The following SLC25A35 variants were observed in gnomAD, a reference collection of about 807,000 sequenced individuals.
SLC25A35 encodes solute carrier family 25 member 35.
In SLC25A35, 32 loss-of-function variants were observed where a neutral mutation model predicts 30.5. That is an observed-to-expected ratio of 1.05 (90% CI 0.79 to 1.41). SLC25A35 has a LOEUF of 1.41. SLC25A35 is among the 40% of genes most tolerant of loss of function. The probability of loss-of-function intolerance (pLI) is 0.00; values close to 1 mark genes in which losing one functional copy is unlikely to be tolerated. For synonymous variants in SLC25A35, 142 were observed against 158.1 expected (o/e 0.90, Z 0.77); for missense variants, 369 against 388.0 (o/e 0.95, Z 0.41).
At chr17:8,289,051 T>A (rs1235670894), downstream of SLC25A35, 1 of 1,613,766 alleles carries the variant, frequency 6.2e-7, no homozygotes, top group Non-Finnish European at 8.5e-7. Flanking sequence ...CAGGCCCACG[T>A]ACGGGGCGAA....
intron 1 of SLC25A35, among the ~76,000 whole-genome samples, chr17:8,292,873 T>C (rs1245503075): frequency 2.6e-5 from 4 of 152,074 alleles, no homozygotes; most frequent in Non-Finnish European, 5.9e-5. Flanking sequence ...AGAATGGCAA[T>C]ATTTCCTAAG....
chr17:8,290,483 G>T lies in SLC25A35; in HGVS notation c.*22C>A. On this transcript the variant is annotated 3_prime_UTR_variant, in exon 5 of 5. Coordinates refer to ENST00000577745, the MANE Select transcript of SLC25A35 (RefSeq NM_001320870.2). ...CAAGTGGCCAAGGAGTGCTCATTTG[G>T]TGGAGACTGGGAAAGCGGCTGTTAT... The T allele has an allele frequency of 6.5e-7, 1 of 1,534,442 alleles. No homozygotes were observed. The highest frequency in any genetic ancestry group is 8.7e-7 in the Non-Finnish European group (1 of 1,145,956).
chr17:8,290,409 G>T lies in SLC25A35; in HGVS notation c.*96C>A. On this transcript the variant is annotated 3_prime_UTR_variant, in exon 5 of 5. Transcript: ENST00000577745. Reference sequence around the variant, plus strand: ...TGGGGTTGGCTGTCCCCCATGGATGGATGAAAGGTCACCTAATCAGTAGTC... The same window carrying T: ...TGGGGTTGGCTGTCCCCCATGGATGTATGAAAGGTCACCTAATCAGTAGTC... The T allele has an allele frequency of 6.7e-7, 1 of 1,483,548 alleles. No homozygotes were observed. Among genetic ancestry groups the T allele is most frequent in the Non-Finnish European group, 8.9e-7 (1 of 1,118,956 alleles). 91.9% of individuals were successfully genotyped at this position (1,483,548 alleles called of 1,614,324 possible). A position where few individuals can be genotyped will look rare whatever the true frequency, so the allele number is the denominator to read the frequency against.
Position 8,295,274 on chromosome 17 carries a change from C to T in SLC25A35, c.-467G>A, listed in dbSNP as rs943605267. 2.8e-5 allele frequency: 28 copies of T among 988,000 alleles called. No individual in the cohort carries two copies. The highest frequency in any genetic ancestry group is 3.1e-5 in the Non-Finnish European group (26 of 831,728). 61.2% of individuals were successfully genotyped at this position (988,000 alleles called of 1,614,324 possible). On this transcript the variant is annotated 5_prime_UTR_variant, in exon 1 of 5. Transcript: ENST00000577745. ...CTCGAGCCAGCAACGAGATCTCGAT[C>T]CGAGAAAGAAGTCAGGACTCTGGCC...
chr17:8,291,483 G>C lies in SLC25A35; in HGVS notation c.444C>G (p.Gly148=). The C allele has an allele frequency of 6.2e-7, 1 of 1,611,870 alleles. No individual in the cohort carries two copies. The highest frequency in any genetic ancestry group is 1.3e-5 in the African/African-American group (1 of 75,004). ...IAVGHQYKHQ[G]MFQALTEIGQ... is the part of the protein sequence containing the mutation. ...CAATCTCGGTTAGCGCCTGAAACATGCCCTAGTGTGGGGAAGACCGGGGGT... is the reference window on the plus strand; with the variant it reads ...CAATCTCGGTTAGCGCCTGAAACATCCCCTAGTGTGGGGAAGACCGGGGGT... Residue 148 remains glycine, a splice_region_variant and synonymous_variant, in exon 3 of 5, where the codon GGC becomes GGG. Transcript: ENST00000577745.
At position 8,294,963 on chromosome 17, in the gene SLC25A35, G is replaced by A. The variant is rs1990765861; in HGVS notation, c.-156C>T. ...GCAGTCAAGGGTGTCAGGGTCAAAT[G>A]TCAAGTGGTCAAACGTCAGCTGGAA... On this transcript the variant is annotated 5_prime_UTR_variant, in exon 1 of 5. Coordinates refer to ENST00000577745, the MANE Select transcript of SLC25A35 (RefSeq NM_001320870.2). 1 of 1,420,260 alleles carries A rather than the reference G, an allele frequency of 7.0e-7. No homozygotes were observed. Among genetic ancestry groups the A allele is most frequent in the Non-Finnish European group, 9.2e-7 (1 of 1,092,292 alleles). The allele number at this position is 1,420,260 out of a possible 1,614,324, so 88.0% of individuals were successfully genotyped here.
downstream of SLC25A35, chr17:8,289,178 G>A (rs1990279285): frequency 2.5e-6 from 4 of 1,602,728 alleles, no homozygotes; most frequent in South Asian, 3.3e-5. Context: ...GCACGGGCCG[G>A]GAGCCAGGCC....
intron 3 of SLC25A35, 149 bp downstream of exon 3, chr17:8,291,183 CT>C: frequency 7.6e-7 from 1 of 1,318,450 alleles, no homozygotes; most frequent in Non-Finnish European, 1.0e-6. Context: ...GACAAGAGAA[CT>C]GTGGGAAGGG....
chr17:8,294,016 T>C (rs531468067), intron 1 of SLC25A35, among the ~76,000 whole-genome samples: 21 of 140,294 alleles, frequency 1.5e-4, no homozygotes, highest in Admixed American at 4.3e-4. Flanking sequence ...CCCGGGTTCA[T>C]GCCATTCTCC....
rs1329346864 is a variant in SLC25A35 at position 8,290,190 on chromosome 17, T to C, written c.*315A>G. On this transcript the variant is annotated 3_prime_UTR_variant, in exon 5 of 5. Coordinates refer to ENST00000577745, the MANE Select transcript of SLC25A35 (RefSeq NM_001320870.2). ...GGTTTTGGAGGGAGGAGTTTAAAAC[T>C]GTGCATGGGAGCAGGAGGGACTCAA... is the stretch of plus-strand genomic sequence containing the variant. 2 of 1,429,554 alleles carry C rather than the reference T, an allele frequency of 1.4e-6. No individual in the cohort carries two copies. Among genetic ancestry groups the C allele is most frequent in the Non-Finnish European group, 1.8e-6 (2 of 1,097,278 alleles). The allele number at this position is 1,429,554 out of a possible 1,614,324, so 88.6% of individuals were successfully genotyped here. A position where few individuals can be genotyped will look rare whatever the true frequency, so the allele number is the denominator to read the frequency against.
chr17:8,294,137 C>G (rs532387752), intron 1 of SLC25A35, among the ~76,000 whole-genome samples: 41 of 151,738 alleles, frequency 2.7e-4, no homozygotes, highest in Non-Finnish European at 4.4e-4. Flanking sequence ...GGATGGTCTC[C>G]ATCTCCTGAC....
chr17:8,289,357 C>A (rs1990296699), downstream of SLC25A35: 1 of 1,614,040 alleles, frequency 6.2e-7, no homozygotes, highest in African/African-American at 1.3e-5. Flanking sequence ...TGAGGGGCCG[C>A]TGTCAAGAAG....
At chr17:8,292,459 G>T in intron 2 of SLC25A35, 64 bp downstream of exon 2, 2 of 1,516,744 alleles carry the variant, frequency 1.3e-6, no homozygotes, top group Non-Finnish European at 1.8e-6. Context: ...GTTGGGTGCA[G>T]GCAGAAAGCT....
chr17:8,290,453 A>G lies in SLC25A35; in HGVS notation c.*52T>C. On this transcript the variant is annotated 3_prime_UTR_variant, in exon 5 of 5. Coordinates refer to ENST00000577745, the MANE Select transcript of SLC25A35 (RefSeq NM_001320870.2). ...AGTAGTCACCAGGACATAGTGGTGG[A>G]GGCACAAGTGGCCAAGGAGTGCTCA... 1 of 1,524,140 alleles carries G rather than the reference A, an allele frequency of 6.6e-7. No homozygotes were observed. Among genetic ancestry groups the G allele is most frequent in the African/African-American group, 1.4e-5 (1 of 73,004 alleles). 94.4% of individuals were successfully genotyped at this position (1,524,140 alleles called of 1,614,324 possible). A position where few individuals can be genotyped will look rare whatever the true frequency, so the allele number is the denominator to read the frequency against.
chr17:8,292,467 G>C (rs1990578303), intron 2 of SLC25A35, 56 bp downstream of exon 2: 5 of 1,550,682 alleles, frequency 3.2e-6, no homozygotes, highest in South Asian at 1.1e-5. Context: ...CAGGCAGAAA[G>C]CTAGGGGAAA....
downstream of SLC25A35, chr17:8,289,440 C>G: frequency 6.2e-7 from 1 of 1,614,010 alleles, no homozygotes; most frequent in Admixed American, 1.7e-5. Flanking sequence ...TGTGTAATGT[C>G]CTGGAAGGGC....
chr17:8,292,563 G>A lies in SLC25A35; in HGVS notation c.401C>T (p.Ala134Val), dbSNP rs1329480108. Residue 134 changes from alanine to valine, a missense_variant, in exon 2 of 5, where the codon GCA becomes GTA. Ala to Val is a moderately conservative substitution (Grantham distance 64). Coordinates refer to ENST00000577745, the MANE Select transcript of SLC25A35 (RefSeq NM_001320870.2). ...GTGCCCTACAGCAATTTCTGAGGCTGCCTGTGCCTGCAGGTGTGTCTTCAC... is the reference window on the plus strand; with the variant it reads ...GTGCCCTACAGCAATTTCTGAGGCTACCTGTGCCTGCAGGTGTGTCTTCAC... ...YMVKTHLQAQAASEIAVGHQY... is the reference protein window; with the variant it reads ...YMVKTHLQAQVASEIAVGHQY... The A allele has an allele frequency of 1.9e-6, 3 of 1,613,994 alleles. No individual in the cohort carries two copies. The highest frequency in any genetic ancestry group is 2.5e-6 in the Non-Finnish European group (3 of 1,180,002).
downstream of SLC25A35, chr17:8,289,963 C>T: frequency 6.2e-7 from 1 of 1,613,844 alleles, no homozygotes; most frequent in Non-Finnish European, 8.5e-7. Flanking sequence ...CATGATGTTG[C>T]TGAGAACTTG....
In SLC25A35 at chr17:8,292,537, G is replaced by C. The variant is rs149674244; in HGVS notation, c.427C>G (p.Gln143Glu). The change falls in exon 2 of 5, where the codon CAG becomes GAG. Residue 143 changes from glutamine (Q) to glutamate (E), a missense_variant. Gln to Glu is a conservative substitution (Grantham distance 29, BLOSUM62 2). Coordinates refer to ENST00000577745, the MANE Select transcript of SLC25A35 (RefSeq NM_001320870.2). ...QAASEIAVGH[Q>E]YKHQGMFQAL... Reference sequence around the variant, plus strand: ...GGAACCCTCACCTGATGCTTATACTGGTGCCCTACAGCAATTTCTGAGGCT... The same window carrying C: ...GGAACCCTCACCTGATGCTTATACTCGTGCCCTACAGCAATTTCTGAGGCT... 1 of 1,614,038 alleles carries C rather than the reference G, an allele frequency of 6.2e-7. No homozygotes were observed. The highest frequency in any genetic ancestry group is 1.3e-5 in the African/African-American group (1 of 74,990).
Sources: gnomAD v4.1 joint callset for allele counts (sites outside exome capture counted in the v4.1 genomes callset) on GRCh38, gnomAD v4.1.1 for gene constraint, MANE v1.5 for transcripts, NCBI Gene and HGNC (gene_info 2026-07-23, HGNC 2026-07-21) for gene names.